The following EPHA3 variants were observed in gnomAD, a reference collection of about 807,000 sequenced individuals.
EPHA3 encodes ephrin type-A receptor 3.
Under a neutral mutation model 107.1 loss-of-function variants are expected in EPHA3, and 42 were observed. The ratio of observed to expected loss-of-function variants is 0.39; its 90% CI spans 0.31 to 0.51. EPHA3 has a LOEUF of 0.51. Ranked by LOEUF, EPHA3 falls within the 20% of genes least tolerant of loss-of-function variation. EPHA3 has a pLI of 0.78. For missense variants in EPHA3, 1,183 were observed against 1,211.2 expected (o/e 0.98, Z 0.35); for synonymous variants, 461 against 424.8 (o/e 1.09, Z -1.05).
chr3:89,196,251 C>G (rs1705834279), intron 2 of EPHA3, among the ~76,000 whole-genome samples: 1 of 152,146 alleles, frequency 6.6e-6, no homozygotes, highest in Non-Finnish European at 1.5e-5. Flanking sequence ...CTTCCCAGGC[C>G]ATTCATTTTG....
intron 3 of EPHA3, among the ~76,000 whole-genome samples, chr3:89,327,850 G>T (rs929658939): frequency 1.3e-5 from 2 of 151,822 alleles, no homozygotes; most frequent in African/African-American, 4.8e-5. Flanking sequence ...AAAACTCAAA[G>T]AACTTGGGAG....
Position 89,405,690 on chromosome 3 carries a change from G to C in EPHA3, c.1595-1579G>C, listed in dbSNP as rs1184133876. ...GCTGAAGATGATATGTTGGCTCCTGGGGAGGTGATAGTATTCAGATAACTA... is the reference window on the plus strand; with the variant it reads ...GCTGAAGATGATATGTTGGCTCCTGCGGAGGTGATAGTATTCAGATAACTA... On this transcript the variant is annotated intron_variant, in intron 7 of 16. Transcript: ENST00000336596. 3.9e-5 allele frequency among the ~76,000 whole-genome samples: 6 copies of C among 152,088 alleles called. No individual in the cohort carries two copies. The East Asian group carries it at 1.2e-3, about 29-fold the overall frequency.
intron 3 of EPHA3, among the ~76,000 whole-genome samples, chr3:89,264,898 C>T (rs1172196333): frequency 1.3e-5 from 2 of 152,004 alleles, no homozygotes; most frequent in Non-Finnish European, 2.9e-5. Flanking sequence ...TGAAAATGTA[C>T]TCTTATGCTT....
At chr3:89,238,889 T>C (rs377353735) in intron 3 of EPHA3, among the ~76,000 whole-genome samples, 2 of 152,196 alleles carry the variant, frequency 1.3e-5, no homozygotes, top group African/African-American at 4.8e-5. Flanking sequence ...GAAAGCTTTC[T>C]AAGAGTTATT....
chr3:89,270,610 T>C (rs1419786584), intron 3 of EPHA3, among the ~76,000 whole-genome samples: 1 of 152,150 alleles, frequency 6.6e-6, no homozygotes, highest in Non-Finnish European at 1.5e-5. Context: ...TTGATGTTCA[T>C]AAAACTTAAA....
chr3:89,276,445 G>C (rs1270536549), intron 3 of EPHA3, among the ~76,000 whole-genome samples: 2 of 152,198 alleles, frequency 1.3e-5, no homozygotes, highest in African/African-American at 4.8e-5. Flanking sequence ...ATGCCTGACT[G>C]TGAAGAGAAT....
At chr3:89,407,408 G>A (rs773381606) in intron 8 of EPHA3, 37 bp downstream of exon 8, 2 of 1,535,526 alleles carry the variant, frequency 1.3e-6, no homozygotes, top group South Asian at 1.1e-5. Context: ...CACTTTCTTT[G>A]TTGCTTTGTT....
intron 13 of EPHA3, among the ~76,000 whole-genome samples, chr3:89,446,638 T>A (rs1709881310): frequency 6.6e-6 from 1 of 152,082 alleles, no homozygotes. Context: ...AACAAATATC[T>A]GGGCCTAATA....
intron 3 of EPHA3, among the ~76,000 whole-genome samples, chr3:89,269,572 C>A (rs1338925581): frequency 6.6e-6 from 1 of 151,870 alleles, no homozygotes; most frequent in Non-Finnish European, 1.5e-5. Context: ...AGGCATGAGC[C>A]ACCCAGCCAG....
At chr3:89,173,416 A>G (rs190609283) in intron 2 of EPHA3, among the ~76,000 whole-genome samples, 35 of 152,144 alleles carry the variant, frequency 2.3e-4, no homozygotes, top group African/African-American at 7.7e-4. Flanking sequence ...CAGATAAGTC[A>G]CCTCTCAAAT....
intron 5 of EPHA3, among the ~76,000 whole-genome samples, chr3:89,387,102 C>G (rs1256557894): frequency 1.3e-5 from 2 of 152,098 alleles, no homozygotes; most frequent in Admixed American, 6.6e-5. Context: ...TGAGTTAAGA[C>G]TTTGGGGACC....
In EPHA3 at chr3:89,341,938, G is replaced by A. The variant is rs767254790; in HGVS notation, c.1154G>A (p.Arg385Gln). 1.6e-5 allele frequency: 26 copies of A among 1,613,132 alleles called. No individual in the cohort carries two copies. Among genetic ancestry groups the A allele is most frequent in the Admixed American group, 6.7e-5 (4 of 59,864 alleles). Residue 385 changes from arginine (R) to glutamine (Q), a missense_variant, in exon 5 of 17, where the codon CGA (arginine) becomes CAA (glutamine). Physicochemically the swap from Arg to Gln is conservative, Grantham distance 43. Coordinates refer to ENST00000336596, the MANE Select transcript of EPHA3 (RefSeq NM_005233.6). Reference protein sequence around the residue: ...PCSPNVRFLPRQFGLTNTTVT... With the variant: ...PCSPNVRFLPQQFGLTNTTVT... ...AGCCCAAATGTCCGCTTCCTCCCTC[G>A]ACAGTTTGGACTCACCAACACCACG...
At chr3:89,408,588 C>T (rs1340333838) in intron 9 of EPHA3, among the ~76,000 whole-genome samples, 1 of 152,086 alleles carries the variant, frequency 6.6e-6, no homozygotes, top group Non-Finnish European at 1.5e-5. Flanking sequence ...TTAAAATAAA[C>T]TGTTTATTTT....
intron 3 of EPHA3, 73 bp downstream of exon 3, chr3:89,210,593 A>G (rs1706253986): frequency 1.6e-5 from 23 of 1,447,372 alleles, no homozygotes; most frequent in Non-Finnish European, 2.1e-5. Flanking sequence ...ATTAAATGAA[A>G]TGCACTCAGT....
chr3:89,347,878 G>C (rs1707710157), intron 5 of EPHA3, among the ~76,000 whole-genome samples: 2 of 151,196 alleles, frequency 1.3e-5, no homozygotes, highest in African/African-American at 4.8e-5. Flanking sequence ...ATAATCATGT[G>C]GTTTTTGTCT....
intron 3 of EPHA3, among the ~76,000 whole-genome samples, chr3:89,275,658 G>A (rs1443956748): frequency 6.6e-6 from 1 of 152,024 alleles, no homozygotes; most frequent in African/African-American, 2.4e-5. Flanking sequence ...TCAGAAATAT[G>A]AAAATTCTTC....
At chr3:89,248,865 A>G (rs1380968713) in intron 3 of EPHA3, among the ~76,000 whole-genome samples, 2 of 152,240 alleles carry the variant, frequency 1.3e-5, no homozygotes, top group African/African-American at 4.8e-5. Flanking sequence ...AACCATGTGC[A>G]CAGGTCCATA....
chr3:89,451,752 G>T (rs1446496532), intron 15 of EPHA3, among the ~76,000 whole-genome samples: 1 of 151,958 alleles, frequency 6.6e-6, no homozygotes, highest in Non-Finnish European at 1.5e-5. Context: ...GTTAGTTTTG[G>T]GTCTCAATAA....
At chr3:89,122,903 CA>C (rs1707420934) in intron 1 of EPHA3, among the ~76,000 whole-genome samples, 1 of 152,016 alleles carries the variant, frequency 6.6e-6, no homozygotes, top group South Asian at 2.1e-4. Context: ...GTGACACTAC[CA>C]ATACTAATGA....
Sources: allele counts gnomAD v4.1 joint callset (sites outside exome capture counted in the v4.1 genomes callset), GRCh38; gene constraint gnomAD v4.1.1; transcripts MANE v1.5; gene names NCBI Gene and HGNC (gene_info 2026-07-23, HGNC 2026-07-21).